Variants in IQGAP2 observed in about 807,000 individuals in gnomAD.
IQGAP2 encodes the protein ras GTPase-activating-like protein IQGAP2.
Under a neutral mutation model 201.3 loss-of-function variants are expected in IQGAP2, and 173 were observed. That is an observed-to-expected ratio of 0.86 (90% CI 0.76 to 0.98). IQGAP2 has a LOEUF of 0.98. Ranked by LOEUF, IQGAP2 falls within the 50% of genes least tolerant of loss-of-function variation. The pLI is 0.00. For missense variants in IQGAP2, 1,687 were observed against 1,864.8 expected (o/e 0.90, Z 1.76); for synonymous variants, 675 against 673.9 (o/e 1.00, Z -0.03).
intron 2 of IQGAP2, among the ~76,000 whole-genome samples, chr5:76,526,110 A>T: frequency 6.6e-6 from 1 of 152,324 alleles, no homozygotes; most frequent in Middle Eastern, 3.4e-3. Context: ...ATATTAACAT[A>T]GCCTTTTACT....
At chr5:76,706,501 C>T (rs951851536) in intron 35 of IQGAP2, among the ~76,000 whole-genome samples, 1 of 152,068 alleles carries the variant, frequency 6.6e-6, no homozygotes, top group Non-Finnish European at 1.5e-5. Flanking sequence ...GTGTGCACCA[C>T]CACGCCCAGC....
chr5:76,532,429 T>G (rs1045585041), intron 2 of IQGAP2, among the ~76,000 whole-genome samples: 4 of 129,560 alleles, frequency 3.1e-5, no homozygotes, highest in African/African-American at 1.2e-4. Flanking sequence ...TTGATCCATG[T>G]TGGAGAACAC....
At chr5:76,412,709 CTA>C (rs1013789286) in intron 1 of IQGAP2, among the ~76,000 whole-genome samples, 79 of 152,246 alleles carry the variant, frequency 5.2e-4, no homozygotes, top group African/African-American at 1.9e-3. Flanking sequence ...CATAACATGT[CTA>C]TACTGTATTG....
At chr5:76,552,037 CT>C (rs1356623531) in intron 2 of IQGAP2, among the ~76,000 whole-genome samples, 4 of 152,178 alleles carry the variant, frequency 2.6e-5, no homozygotes, top group African/African-American at 7.2e-5. Context: ...GGAAGAGAGC[CT>C]TCCTCGCCCC....
intron 1 of IQGAP2, among the ~76,000 whole-genome samples, chr5:76,460,952 C>T (rs1754413996): frequency 6.6e-6 from 1 of 150,716 alleles, no homozygotes; most frequent in Non-Finnish European, 1.5e-5. Flanking sequence ...TCACTGCAAC[C>T]TCCACCTCCC....
chr5:76,491,203 C>T (rs916270421), intron 2 of IQGAP2, among the ~76,000 whole-genome samples: 1 of 151,956 alleles, frequency 6.6e-6, no homozygotes, highest in Admixed American at 6.6e-5. Flanking sequence ...TATTCATGTT[C>T]TTGTTGATGC....
intron 2 of IQGAP2, among the ~76,000 whole-genome samples, chr5:76,538,365 G>A (rs1358265486): frequency 7.0e-6 from 1 of 143,268 alleles, no homozygotes; most frequent in African/African-American, 2.6e-5. Flanking sequence ...TCAAGGGGGG[G>A]TAAGGTTTAA....
intron 3 of IQGAP2, among the ~76,000 whole-genome samples, chr5:76,566,585 T>C (rs1744765541): frequency 6.6e-6 from 1 of 152,068 alleles, no homozygotes; most frequent in African/African-American, 2.4e-5. Context: ...ATCAGAAGCC[T>C]TGTGATGCCA....
At chr5:76,429,860 GACACACACACACACACAC>G (rs56031811) in intron 1 of IQGAP2, among the ~76,000 whole-genome samples, 1 of 144,528 alleles carries the variant, frequency 6.9e-6, no homozygotes, top group African/African-American at 2.6e-5. Flanking sequence ...AGGAGACACA[GACACACACACACACACAC>G]ACACACACAC....
chr5:76,547,730 T>G (rs1438020767), intron 2 of IQGAP2, among the ~76,000 whole-genome samples: 2 of 152,222 alleles, frequency 1.3e-5, no homozygotes, highest in Admixed American at 6.5e-5. Flanking sequence ...CCCCAGCTCA[T>G]GGTTATCTTG....
Position 76,668,830 on chromosome 5 carries a change from G to A in IQGAP2, c.2829G>A (p.Leu943=). The A allele has an allele frequency of 6.3e-7, 1 of 1,592,018 alleles. No individual in the cohort carries two copies. The highest frequency in any genetic ancestry group is 8.6e-7 in the Non-Finnish European group (1 of 1,169,114). Residue 943 remains leucine, a synonymous_variant, in exon 23 of 36, where the codon CTG becomes CTA. Transcript: ENST00000274364. The stretch of plus-strand genomic sequence containing the variant: ...TTCTCAAGCTTTTTAAAACTGCTCT[G>A]GAGGAAGAAATAAAGTATGTATACA... ...YLLLKLFKTA[L]EEEIKSKVDQ...
At chr5:76,439,495 A>G (rs1439934674) in intron 1 of IQGAP2, among the ~76,000 whole-genome samples, 1 of 152,194 alleles carries the variant, frequency 6.6e-6, no homozygotes, top group Non-Finnish European at 1.5e-5. Flanking sequence ...AGGTCCAGTA[A>G]TAATAGTTTT....
chr5:76,439,965 A>G (rs932118062), intron 1 of IQGAP2, among the ~76,000 whole-genome samples: 1 of 152,216 alleles, frequency 6.6e-6, no homozygotes, highest in Admixed American at 6.5e-5. Context: ...TTATGCTTTC[A>G]AGAGTTTTTA....
At chr5:76,619,774 A>T (rs191425965) in intron 13 of IQGAP2, among the ~76,000 whole-genome samples, 274 of 152,052 alleles carry the variant, frequency 1.8e-3, no homozygotes, top group East Asian at 5.0e-3. Context: ...CGCCTCGGCC[A>T]CCCAAAGTGC....
chr5:76,664,833 T>G (rs1256768972), intron 21 of IQGAP2, among the ~76,000 whole-genome samples, 193 bp from the exon 22 acceptor site: 1 of 151,914 alleles, frequency 6.6e-6, no homozygotes, highest in Non-Finnish European at 1.5e-5. Context: ...ATAGGCATGT[T>G]CAATGTAGGA....
chr5:76,648,184 C>T (rs1246420808), intron 17 of IQGAP2, among the ~76,000 whole-genome samples: 1 of 152,174 alleles, frequency 6.6e-6, no homozygotes, highest in Non-Finnish European at 1.5e-5. Context: ...GACCCCCTCC[C>T]AGCAATAACG....
At position 76,543,380 on chromosome 5, in the gene IQGAP2, A is replaced by G. The variant is rs565365585; in HGVS notation, c.147-19016A>G. ...TAAAGGTGAAGCATTTCAGTGATCA[A>G]GAGCCAGTGCTTGATGATGGTTGGA... On this transcript the variant is annotated intron_variant, in intron 2 of 35. Transcript: ENST00000274364. Among the ~76,000 whole-genome samples, 148 of 152,334 alleles carry G rather than the reference A, an allele frequency of 9.7e-4. 1 individual carries two copies. The highest frequency in any genetic ancestry group is 3.4e-3 in the African/African-American group (142 of 41,580).
At chr5:76,682,601 A>G (rs1745399875) in intron 28 of IQGAP2, among the ~76,000 whole-genome samples, 1 of 152,166 alleles carries the variant, frequency 6.6e-6, no homozygotes, top group Non-Finnish European at 1.5e-5. Context: ...TCTTAGGATA[A>G]GGAAAGGGGA....
chr5:76,699,801 TTC>T (rs1197754030), intron 33 of IQGAP2, among the ~76,000 whole-genome samples: 106 of 1,348 alleles, frequency 0.079, 17 homozygotes, highest in African/African-American at 0.15. Context: ...TTCTTTCTGT[TTC>T]TCTCTCTCTC....
Sources: gnomAD v4.1 joint callset for allele counts (sites outside exome capture counted in the v4.1 genomes callset) on GRCh38, gnomAD v4.1.1 for gene constraint, MANE v1.5 for transcripts, NCBI Gene and HGNC (gene_info 2026-07-23, HGNC 2026-07-21) for gene names.